PLCH2: variants seen among roughly 807,000 people sequenced by gnomAD.
PLCH2 encodes the protein 1-phosphatidylinositol 4,5-bisphosphate phosphodiesterase eta-2.
In PLCH2, 98 loss-of-function variants were observed where a neutral mutation model predicts 134.7. The observed-to-expected ratio is 0.73, with a 90% CI of 0.62 to 0.86. PLCH2 has a LOEUF of 0.86. Ranked by LOEUF, PLCH2 falls within the 40% of genes least tolerant of loss-of-function variation. The pLI is 0.00. For missense variants in PLCH2, 1,994 were observed against 1,986.6 expected (o/e 1.00, Z -0.07); for synonymous variants, 974 against 827.5 (o/e 1.18, Z -3.04).
At chr1:2,493,306 G>A (rs557935366) in intron 11 of PLCH2, 45 of 152,388 alleles carry the variant, frequency 3.0e-4, no homozygotes, top group African/African-American at 1.1e-3. Flanking sequence ...GCATTTTGGG[G>A]ATGTTTAAGG....
In PLCH2 at chr1:2,459,426, C is replaced by CGGTGGTCCTCCTTCCT. The variant is rs1640670092; in HGVS notation, c.116-19037_116-19036insCCTGGTGGTCCTCCTT. Among the ~76,000 whole-genome samples, 2 of 26,252 alleles carry CGGTGGTCCTCCTTCCT rather than the reference C, an allele frequency of 7.6e-5. 1 individual carries two copies. The highest frequency in any genetic ancestry group is 6.6e-4 in the Admixed American group (2 of 3,014). 17.2% of individuals were successfully genotyped at this position (26,252 alleles called of 152,430 possible). On this transcript the variant is annotated intron_variant, in intron 2 of 3. Transcript: ENST00000609981. ...TCTCCTTCCTGGTGGTCCTCCTTGC[C>CGGTGGTCCTCCTTCCT]GGTGGTCCTCCTTGCCGGTGGTCCT...
chr1:2,454,060 G>C (rs1231113609), intron 2 of PLCH2, among the ~76,000 whole-genome samples: 1 of 152,168 alleles, frequency 6.6e-6, no homozygotes, highest in Admixed American at 6.5e-5. Flanking sequence ...CCCCCACCCC[G>C]AGTCTGTCAC....
chr1:2,492,410 G>C (rs972243266), intron 11 of PLCH2: 2 of 152,276 alleles, frequency 1.3e-5, no homozygotes, highest in African/African-American at 4.8e-5. Flanking sequence ...AGCCAGCTGG[G>C]CCTGTGCAAA....
intron 2 of PLCH2, among the ~76,000 whole-genome samples, chr1:2,446,348 C>G (rs934605784): frequency 1.5e-4 from 23 of 152,244 alleles, no homozygotes; most frequent in African/African-American, 5.3e-4. Context: ...TCAGCCCTGC[C>G]TGCGATTTGG....
chr1:2,459,443 G>T (rs113300818), intron 2 of PLCH2, among the ~76,000 whole-genome samples: 3 of 65,798 alleles, frequency 4.6e-5, no homozygotes, highest in African/African-American at 6.9e-5. Context: ...CCTCCTTGCC[G>T]GTGGTCCTCC....
upstream of PLCH2, among the ~76,000 whole-genome samples, chr1:2,425,110 C>T (rs76434064): frequency 8.8e-3 from 1,258 of 143,092 alleles, 36 homozygotes; most frequent in East Asian, 0.058. Context: ...CTGCAGTGAG[C>T]GGAGATCGCG....
upstream of PLCH2, among the ~76,000 whole-genome samples, chr1:2,475,793 C>T (rs1419906693): frequency 6.6e-6 from 1 of 152,212 alleles, no homozygotes; most frequent in African/African-American, 2.4e-5. Flanking sequence ...GGACCCACAT[C>T]CTGGGCCTGG....
At chr1:2,436,545 T>A (rs911982079) in intron 2 of PLCH2, among the ~76,000 whole-genome samples, 3 of 22,458 alleles carry the variant, frequency 1.3e-4, no homozygotes, top group African/African-American at 2.8e-4. Context: ...TCCTCCCTCC[T>A]CCCTTCCTCC....
chr1:2,422,876 C>G (rs1638587220), upstream of PLCH2, among the ~76,000 whole-genome samples: 2 of 152,132 alleles, frequency 1.3e-5, no homozygotes, highest in Non-Finnish European at 2.9e-5. Context: ...TTTACCTGTG[C>G]ATAATTTTGG....
At chr1:2,443,022 G>A (rs892001896) in intron 2 of PLCH2, among the ~76,000 whole-genome samples, 11 of 152,224 alleles carry the variant, frequency 7.2e-5, no homozygotes, top group South Asian at 2.1e-4. Context: ...TGGCTGCTTT[G>A]GGCCTCCAGG....
chr1:2,432,366 G>A (rs537513978), intron 2 of PLCH2, among the ~76,000 whole-genome samples: 1 of 152,302 alleles, frequency 6.6e-6, no homozygotes, highest in African/African-American at 2.4e-5. Context: ...CCAGGTTGGG[G>A]GCCGTGGGAC....
chr1:2,419,781 C>T, the PLCH2 span, among the ~76,000 whole-genome samples: 1 of 152,266 alleles, frequency 6.6e-6, no homozygotes, highest in South Asian at 2.1e-4. Flanking sequence ...ATCCTTCTTC[C>T]TGTGGGCTCC....
At chr1:2,437,572 C>T (rs1035538351) in intron 2 of PLCH2, among the ~76,000 whole-genome samples, 2 of 152,128 alleles carry the variant, frequency 1.3e-5, no homozygotes, top group Non-Finnish European at 2.9e-5. Flanking sequence ...TTTGCTCCAC[C>T]CCTGCAGCCT....
upstream of PLCH2, among the ~76,000 whole-genome samples, chr1:2,472,812 A>G (rs1453859170): frequency 6.6e-6 from 1 of 152,066 alleles, no homozygotes; most frequent in African/African-American, 2.4e-5. Flanking sequence ...CGTCCCGTAC[A>G]CGCTCGTGAA....
chr1:2,477,049 C>T (rs992312764), intron 1 of PLCH2, among the ~76,000 whole-genome samples: 2 of 152,178 alleles, frequency 1.3e-5, no homozygotes, highest in Non-Finnish European at 2.9e-5. Flanking sequence ...GTGCTTGCAG[C>T]CCAGGCGGCT....
intron 21 of PLCH2, chr1:2,503,708 A>G (rs1643365703): frequency 3.1e-6 from 2 of 640,044 alleles, no homozygotes; most frequent in Admixed American, 2.3e-5. Flanking sequence ...TGTGCGGCAC[A>G]GGGCGTGGAC....
chr1:2,461,557 G>A lies in PLCH2; in HGVS notation c.116-16919G>A, dbSNP rs1182771697. On this transcript the variant is annotated intron_variant, in intron 2 of 3. Coordinates refer to the PLCH2 transcript ENST00000609981. ...GGTCCCTGTGGCTGGCTCAGCTTTC[G>A]CTCCCTGCTGGGTTACCCAGCCCTG... Among the ~76,000 whole-genome samples, 11 of 152,132 alleles carry A rather than the reference G, an allele frequency of 7.2e-5. No homozygotes were observed. In the East Asian group the frequency reaches 1.9e-3, roughly 27 times the overall value.
intron 1 of PLCH2, among the ~76,000 whole-genome samples, chr1:2,426,558 C>A (rs770835392): frequency 6.6e-6 from 1 of 152,252 alleles, no homozygotes; most frequent in African/African-American, 2.4e-5. Context: ...AGTGCTCCCA[C>A]GCTGACCTAG....
Position 2,499,164 on chromosome 1 carries a change from G to C in PLCH2, c.2515G>C (p.Asp839His). The part of the protein sequence containing the change: ...EIALVRFLVW[D>H]HDPIGRDFIG... ...CGCGCTGGTCCGCTTCCTCGTCTGG[G>C]ACCACGATCCCATCGGGCGTGACTT... Residue 839 changes from aspartate (D) to histidine (H), a missense_variant, in exon 19 of 22, where the codon GAC (aspartate) becomes CAC (histidine). By Grantham distance (81) the Asp-to-His change is moderately conservative (BLOSUM62 -1). Coordinates refer to ENST00000378486, the MANE Select transcript of PLCH2 (RefSeq NM_014638.4). The C allele has an allele frequency of 6.2e-7, 1 of 1,613,218 alleles. No individual in the cohort carries two copies. The highest frequency in any genetic ancestry group is 8.5e-7 in the Non-Finnish European group (1 of 1,179,804).
Sources: gnomAD v4.1 joint callset for allele counts (sites outside exome capture counted in the v4.1 genomes callset) on GRCh38, gnomAD v4.1.1 for gene constraint, MANE v1.5 for transcripts, NCBI Gene and HGNC (gene_info 2026-07-23, HGNC 2026-07-21) for gene names.